Variants in RBM17 observed in about 807,000 individuals in gnomAD.
RBM17 encodes the protein splicing factor 45.
A neutral mutation model predicts 53.2 loss-of-function variants in RBM17; 7 were observed. That is an observed-to-expected ratio of 0.13 (90% CI 0.07 to 0.25). The LOEUF (loss-of-function observed/expected upper bound fraction) is 0.25. RBM17 is among the 10% of genes least tolerant of loss of function. The probability of loss-of-function intolerance (pLI) is 1.00; values close to 1 mark genes in which losing one functional copy is unlikely to be tolerated. For synonymous variants in RBM17, 167 were observed against 178.1 expected (o/e 0.94, Z 0.50); for missense variants, 257 against 496.7 (o/e 0.52, Z 4.59).
chr10:6,113,670 G>A (rs769159213), intron 9 of RBM17, 89 bp downstream of exon 9: 13 of 858,744 alleles, frequency 1.5e-5, no homozygotes, highest in Middle Eastern at 4.5e-4. Context: ...AGTTAAAACT[G>A]AAAATGATAC....
At position 6,089,045 on chromosome 10, in the gene RBM17, C is replaced by T. The variant is rs1197665407; in HGVS notation, c.-167C>T. ...CGCGCTCTCCCGGCAGCCCGCGCTC[C>T]CTGACCCCGCGCCGCCGAGCGCCCT... On this transcript the variant is annotated 5_prime_UTR_variant, in exon 1 of 12. Transcript: ENST00000379888. The surrounding 1 kb of genome is among the most constrained non-coding windows in gnomAD (Gnocchi z 5.6). The T allele has an allele frequency of 6.6e-6, 1 of 150,652 alleles. No homozygotes were observed. The highest frequency in any genetic ancestry group is 2.4e-5 in the African/African-American group (1 of 41,258). The allele number at this position is 150,652 out of a possible 1,614,324, so 9.3% of individuals were successfully genotyped here.
chr10:6,108,809 A>C, intron 6 of RBM17, 67 bp downstream of exon 6: 164 of 1,251,042 alleles, frequency 1.3e-4, no homozygotes, highest in Non-Finnish European at 1.8e-4. Flanking sequence ...GGGGGATCTC[A>C]GCTTGGGCCC....
intron 11 of RBM17, 61 bp downstream of exon 11, chr10:6,115,372 CAAGTA>C: frequency 6.5e-7 from 1 of 1,529,382 alleles, no homozygotes; most frequent in Non-Finnish European, 9.1e-7. Context: ...TTAATCTTTA[CAAGTA>C]AAGTTACTGT....
intron 3 of RBM17, among the ~76,000 whole-genome samples, chr10:6,102,481 T>C (rs562933073): frequency 6.6e-6 from 1 of 152,342 alleles, no homozygotes; most frequent in South Asian, 2.1e-4. Flanking sequence ...AAGCACCACA[T>C]GGTGGAGGTG....
At chr10:6,109,165 G>A (rs1840800643) in intron 6 of RBM17, among the ~76,000 whole-genome samples, 1 of 152,028 alleles carries the variant, frequency 6.6e-6, no homozygotes, top group Non-Finnish European at 1.5e-5. Flanking sequence ...TTCACTGCAG[G>A]TGGGTTTGCG....
Position 6,110,099 on chromosome 10 carries a change from C to A in RBM17, c.676C>A (p.Pro226Thr), listed in dbSNP as rs1296437390. The A allele has an allele frequency of 6.2e-7, 1 of 1,609,392 alleles. No homozygotes were observed. ...AGACAGACCGAGATCTCCAACCGGA[C>A]CTAGCAACTCCTTCCTCGCTAACAT... Reference protein sequence around the residue: ...EQDRPRSPTGPSNSFLANMGG... With the variant: ...EQDRPRSPTGTSNSFLANMGG... Residue 226 changes from proline to threonine, a missense_variant, in exon 7 of 12, where the codon CCT becomes ACT. By Grantham distance (38) the Pro-to-Thr change is conservative. Around this residue, in one of 6 missense-constraint regions of RBM17, gnomAD observed 68 missense variants for 60.0 expected, o/e 1.13. Coordinates refer to ENST00000379888, the MANE Select transcript of RBM17 (RefSeq NM_032905.5).
At chr10:6,109,499 C>T (rs1840804812) in intron 6 of RBM17, among the ~76,000 whole-genome samples, 1 of 152,190 alleles carries the variant, frequency 6.6e-6, no homozygotes, top group Non-Finnish European at 1.5e-5. Flanking sequence ...CTTAAAGCGT[C>T]CTACTGACTT....
chr10:6,097,796 T>G (rs1840598018), intron 2 of RBM17, among the ~76,000 whole-genome samples: 1 of 152,256 alleles, frequency 6.6e-6, no homozygotes, highest in Admixed American at 6.5e-5. Context: ...TTTTGTAGCC[T>G]TACTCCTGAT....
Position 6,112,471 on chromosome 10 carries a change from G to C in RBM17, c.856+110G>C, listed in dbSNP as rs985942227. 4 of 1,339,736 alleles carry C rather than the reference G, an allele frequency of 3.0e-6. No homozygotes were observed. The African/African-American group carries it at 5.8e-5, about 19-fold the overall frequency. 83.0% of individuals were successfully genotyped at this position (1,339,736 alleles called of 1,614,324 possible). A position where few individuals can be genotyped will look rare whatever the true frequency, so the allele number is the denominator to read the frequency against. On this transcript the variant is annotated intron_variant, in intron 8 of 11. Coordinates refer to ENST00000379888, the MANE Select transcript of RBM17 (RefSeq NM_032905.5). This position sits in a 1 kb window ranked among gnomAD's most constrained non-coding sequence, Gnocchi z 4.4. ...CAGCAGGGGGACAATGAGGCGTGTG[G>C]CCAGAGGGAGAGGGCTGGCCCTGCC...
intron 1 of RBM17, among the ~76,000 whole-genome samples, chr10:6,093,788 A>G (rs961567133): frequency 6.6e-6 from 1 of 152,222 alleles, no homozygotes; most frequent in Non-Finnish European, 1.5e-5. Flanking sequence ...CTGCATATAC[A>G]TAATGAGATA....
At chr10:6,091,570 T>C (rs1319526909) in intron 1 of RBM17, among the ~76,000 whole-genome samples, 3 of 152,230 alleles carry the variant, frequency 2.0e-5, no homozygotes, top group Admixed American at 6.5e-5. Context: ...TCATAAGTTA[T>C]GTGCTTAAAA....
chr10:6,101,539 C>A, intron 3 of RBM17, 152 bp downstream of exon 3: 1 of 445,264 alleles, frequency 2.2e-6, no homozygotes, highest in Non-Finnish European at 4.0e-6. Flanking sequence ...TCTGTTTTGC[C>A]AATTTTAAAA....
At position 6,109,991 on chromosome 10, in the gene RBM17, C is replaced by G; in HGVS notation, c.568C>G (p.Arg190Gly). ...ACTTTATTTTTCTCCAATAGTACCC[C>G]GAGATTTTCCTTATGAAGAGGACTC... ...SLVEKDKELP[R>G]DFPYEEDSRP... Residue 190 changes from arginine (R) to glycine (G), a missense_variant, in exon 7 of 12, where the codon CGA becomes GGA. Physicochemically the swap from Arg to Gly is moderately radical, Grantham distance 125 (BLOSUM62 -2). Transcript: ENST00000379888. 1 of 1,604,226 alleles carries G rather than the reference C, an allele frequency of 6.2e-7. No homozygotes were observed. Among genetic ancestry groups the G allele is most frequent in the Non-Finnish European group, 8.5e-7 (1 of 1,174,958 alleles).
chr10:6,109,741 T>C (rs1049313342), intron 6 of RBM17, among the ~76,000 whole-genome samples: 3 of 152,126 alleles, frequency 2.0e-5, no homozygotes, highest in African/African-American at 4.8e-5. Context: ...TTCAGTAAGA[T>C]ATAAAAAAGA....
chr10:6,098,857 G>GT (rs1165462595), intron 2 of RBM17, among the ~76,000 whole-genome samples: 1 of 150,476 alleles, frequency 6.6e-6, no homozygotes, highest in Admixed American at 6.6e-5. Flanking sequence ...CAATACACAG[G>GT]TTTTTTTTCT....
intron 1 of RBM17, among the ~76,000 whole-genome samples, chr10:6,093,421 G>A (rs1016867337): frequency 2.0e-5 from 3 of 152,078 alleles, no homozygotes; most frequent in Admixed American, 6.5e-5. Context: ...TTTTCACCAC[G>A]TAGGCCAGGC....
At chr10:6,099,355 C>T (rs1314556592) in intron 2 of RBM17, among the ~76,000 whole-genome samples, 2 of 151,740 alleles carry the variant, frequency 1.3e-5, no homozygotes, top group African/African-American at 2.4e-5. Flanking sequence ...TTGGCCTAGC[C>T]AAACCTGTAA....
At chr10:6,113,484 A>G (rs755364374) in intron 8 of RBM17, 24 bp from the exon 9 acceptor site, 1 of 1,545,252 alleles carries the variant, frequency 6.5e-7, no homozygotes, top group South Asian at 1.1e-5. Flanking sequence ...TCTGTAACAC[A>G]TCTAATGGTA....
rs1232032616 is a variant in RBM17 at position 6,106,315 on chromosome 10, G to T, written c.505+77G>T. The T allele has an allele frequency of 1.1e-5, 11 of 960,198 alleles. No individual in the cohort carries two copies. In the East Asian group the frequency reaches 2.9e-4, roughly 25 times the overall value. The allele number at this position is 960,198 out of a possible 1,614,324, so 59.5% of individuals were successfully genotyped here. A position where few individuals can be genotyped will look rare whatever the true frequency, so the allele number is the denominator to read the frequency against. On this transcript the variant is annotated intron_variant, in intron 5 of 11. Coordinates refer to ENST00000379888, the MANE Select transcript of RBM17 (RefSeq NM_032905.5). ...TTCCACTATGTGCTTTTTCTTTTCA[G>T]TTTGATAAATAGTTCATTTGACATT...
Sources: gnomAD v4.1 joint callset for allele counts (sites outside exome capture counted in the v4.1 genomes callset) on GRCh38, gnomAD v4.1.1 for gene constraint, gnomAD v4.1.1 regional missense constraint, Gnocchi (gnomAD v3.1) non-coding constraint, MANE v1.5 for transcripts, NCBI Gene and HGNC (gene_info 2026-07-23, HGNC 2026-07-21) for gene names.